The following SULF1 variants were observed in gnomAD, a reference collection of about 807,000 sequenced individuals.
SULF1 encodes the protein extracellular sulfatase Sulf-1.
Under a neutral mutation model 110.5 loss-of-function variants are expected in SULF1, and 46 were observed. The observed-to-expected ratio is 0.42, with a 90% confidence interval of 0.33 to 0.53. The LOEUF (loss-of-function observed/expected upper bound fraction) is 0.53, where lower values mean the gene tolerates loss of function less well. SULF1 is among the 20% of genes least tolerant of loss of function. The pLI is 0.12. For missense variants in SULF1, 941 were observed against 1,094.2 expected (o/e 0.86, Z 1.98); for synonymous variants, 371 against 387.1 (o/e 0.96, Z 0.49).
At chr8:69,506,570 G>T (rs959132844) in intron 3 of SULF1, among the ~76,000 whole-genome samples, 1 of 152,164 alleles carries the variant, frequency 6.6e-6, no homozygotes. Flanking sequence ...GCCATCTTTT[G>T]CAGGCTCCTC....
Position 69,560,737 on chromosome 8 carries a change from C to A in SULF1, c.-133-2802C>A, listed in dbSNP as rs573846268. On this transcript the variant is annotated intron_variant, in intron 3 of 22. Transcript: ENST00000402687. ...CAGGACTTTTTTCCCTTCTTTACTT[C>A]TTTTCCTTCTAGAGCTGGAAACCAG... Among the ~76,000 whole-genome samples, 8 of 152,262 alleles carry A rather than the reference C, an allele frequency of 5.3e-5. No homozygotes were observed. In the East Asian group the frequency reaches 5.8e-4, roughly 11 times the overall value.
intron 1 of SULF1, among the ~76,000 whole-genome samples, chr8:69,480,705 G>T (rs1809480624): frequency 6.6e-6 from 1 of 151,942 alleles, no homozygotes; most frequent in African/African-American, 2.4e-5. Context: ...TTGTTATTTT[G>T]TACTATAAGG....
intron 1 of SULF1, among the ~76,000 whole-genome samples, chr8:69,486,815 C>T (rs756316027): frequency 3.0e-4 from 46 of 152,142 alleles, no homozygotes; most frequent in Non-Finnish European, 4.0e-4. Context: ...GCAGAAAACA[C>T]GACTGGTTAT....
intron 2 of SULF1, among the ~76,000 whole-genome samples, chr8:69,498,575 A>G (rs188048040): frequency 1.1e-4 from 17 of 152,298 alleles, no homozygotes; most frequent in Admixed American, 9.8e-4. Flanking sequence ...CAGGCCATAG[A>G]GACGGTAAAC....
chr8:69,609,844 A>G (rs1489070700), intron 13 of SULF1, among the ~76,000 whole-genome samples: 1 of 152,206 alleles, frequency 6.6e-6, no homozygotes, highest in East Asian at 1.9e-4. Context: ...TATGAGACCC[A>G]GGTACCAGTG....
At chr8:69,610,902 A>G (rs1012085896) in intron 13 of SULF1, among the ~76,000 whole-genome samples, 32 of 152,154 alleles carry the variant, frequency 2.1e-4, no homozygotes, top group African/African-American at 7.7e-4. Flanking sequence ...CCTAAGGCTC[A>G]GGTCCTCCTC....
intron 1 of SULF1, among the ~76,000 whole-genome samples, chr8:69,470,912 C>A (rs772964952): frequency 1.3e-5 from 2 of 152,206 alleles, no homozygotes; most frequent in Non-Finnish European, 2.9e-5. Context: ...TCAGCCCTAA[C>A]CACTCTAGTT....
At chr8:69,604,735 G>A in intron 12 of SULF1, 68 bp from the exon 13 acceptor site, 3 of 1,562,320 alleles carry the variant, frequency 1.9e-6, no homozygotes, top group South Asian at 2.4e-5. Flanking sequence ...AAAAAAAAAG[G>A]GGGCAGGACT....
chr8:69,611,545 A>C (rs1486272522), intron 13 of SULF1, among the ~76,000 whole-genome samples: 9 of 152,224 alleles, frequency 5.9e-5, no homozygotes, highest in African/African-American at 2.2e-4. Flanking sequence ...GACTTGAGCT[A>C]AGTAGCAGTT....
chr8:69,525,339 C>A (rs2150624704), intron 3 of SULF1, among the ~76,000 whole-genome samples: 1 of 152,168 alleles, frequency 6.6e-6, no homozygotes, highest in Non-Finnish European at 1.5e-5. Flanking sequence ...ATTCTATTTT[C>A]TTTTGGAATA....
intron 1 of SULF1, among the ~76,000 whole-genome samples, chr8:69,478,594 G>C (rs923735167): frequency 6.6e-6 from 1 of 152,130 alleles, no homozygotes; most frequent in Non-Finnish European, 1.5e-5. Flanking sequence ...TCCTTGAAAA[G>C]AAAGACTCAA....
intron 19 of SULF1, among the ~76,000 whole-genome samples, chr8:69,634,203 G>C (rs776677237): frequency 3.3e-5 from 5 of 151,852 alleles, no homozygotes; most frequent in Admixed American, 2.0e-4. Flanking sequence ...CCTTCATATC[G>C]TTTCCTATAA....
intron 8 of SULF1, chr8:69,597,286 CCAGTGACCCCCGACCTTCCACCTG>C (rs1445358584): frequency 6.6e-6 from 1 of 152,202 alleles, no homozygotes; most frequent in Admixed American, 6.5e-5. Context: ...ATTGTCAATT[CCAGTGACCCCCGACCTTCCACCTG>C]CAGGTCCCTG....
intron 3 of SULF1, among the ~76,000 whole-genome samples, chr8:69,543,839 G>A (rs1189035024): frequency 1.3e-5 from 2 of 152,202 alleles, no homozygotes; most frequent in African/African-American, 2.4e-5. Flanking sequence ...TGAACTACAG[G>A]TGTACCAAGA....
At chr8:69,467,938 T>A (rs1808922930) in intron 1 of SULF1, among the ~76,000 whole-genome samples, 1 of 152,208 alleles carries the variant, frequency 6.6e-6, no homozygotes, top group Non-Finnish European at 1.5e-5. Context: ...TGAATTGAAC[T>A]ATTTATAAAT....
chr8:69,537,548 A>T (rs182626248), intron 3 of SULF1, among the ~76,000 whole-genome samples: 220 of 152,302 alleles, frequency 1.4e-3, no homozygotes, highest in African/African-American at 5.0e-3. Flanking sequence ...GAGTGTGGGC[A>T]TCTTAGGGGT....
chr8:69,501,722 A>T (rs1017949156), intron 2 of SULF1, among the ~76,000 whole-genome samples, 152 bp from the exon 3 acceptor site: 1 of 152,218 alleles, frequency 6.6e-6, no homozygotes, highest in Non-Finnish European at 1.5e-5. Context: ...GACTCTTGCG[A>T]GTGATTGTAA....
intron 13 of SULF1, among the ~76,000 whole-genome samples, chr8:69,620,193 G>C (rs2130542114): frequency 6.6e-6 from 1 of 152,300 alleles, no homozygotes; most frequent in Middle Eastern, 3.4e-3. Flanking sequence ...TCAGTGTTCA[G>C]ACGTTCCTCT....
At chr8:69,569,846 C>G (rs902667895) in intron 5 of SULF1, among the ~76,000 whole-genome samples, 1 of 151,904 alleles carries the variant, frequency 6.6e-6, no homozygotes, top group Non-Finnish European at 1.5e-5. Flanking sequence ...TCCCAACTAC[C>G]TTTTCCCCCT....
Sources: gnomAD v4.1 joint callset for allele counts (sites outside exome capture counted in the v4.1 genomes callset) on GRCh38, gnomAD v4.1.1 for gene constraint, MANE v1.5 for transcripts, NCBI Gene and HGNC (gene_info 2026-07-23, HGNC 2026-07-21) for gene names.